The following GREB1 variants were observed in gnomAD, a reference collection of about 807,000 sequenced individuals.
GREB1 encodes the protein protein GREB1.
Under a neutral mutation model 200.7 loss-of-function variants are expected in GREB1, and 106 were observed. The observed-to-expected ratio is 0.53, with a 90% CI of 0.45 to 0.62. The LOEUF is 0.62. Among genes scored for constraint, GREB1 ranks in the 20% least tolerant of loss-of-function variants. The pLI, the probability that GREB1 is intolerant of heterozygous loss-of-function variation, is 0.00. For synonymous variants in GREB1, 1,132 were observed against 1,092.4 expected, an observed-to-expected ratio of 1.04 and a Z score of -0.72; for missense variants, 2,243 against 2,556.8, an observed-to-expected ratio of 0.88 and a Z score of 2.65.
chr2:11,581,930 C>T (rs948766307), intron 7 of GREB1, among the ~76,000 whole-genome samples: 1 of 152,216 alleles, frequency 6.6e-6, no homozygotes, highest in African/African-American at 2.4e-5. Flanking sequence ...CCGAGGCCTC[C>T]CAACCAGCAC....
chr2:11,543,167 G>T (rs76129731), intron 1 of GREB1, among the ~76,000 whole-genome samples: 1,647 of 152,268 alleles, frequency 0.011, 36 homozygotes, highest in African/African-American at 0.038. Context: ...CTGGCAGAAG[G>T]GGGGATAAGA....
At chr2:11,541,892 G>A (rs4669746) in intron 1 of GREB1, among the ~76,000 whole-genome samples, 100,014 of 151,996 alleles carry the variant, frequency 0.66, 33,767 homozygotes, top group South Asian at 0.84. Context: ...CCTTGTATAC[G>A]TTCTGCCTGG....
Position 11,562,543 on chromosome 2 carries a change from C to T in GREB1, c.238C>T (p.Gln80Ter). 1.9e-6 allele frequency: 3 copies of T among 1,601,716 alleles called. No homozygotes were observed. The highest frequency in any genetic ancestry group is 2.3e-5 in the East Asian group (1 of 44,110). The change falls in exon 3 of 33, where the codon CAG (glutamine) becomes TAG (stop). Residue 80 changes from glutamine to a stop codon, truncating the protein, a stop_gained. Transcript: ENST00000381486. LOFTEE classifies it high-confidence loss of function. ...LETNGPPNPF[Q>*]LHPLPEGCCT... is the part of the protein sequence containing the mutation. ...AACAAATGGCCCCCCAAACCCTTTC[C>T]AGCTGCACCCTCTGCCTGAAGGATG...
Position 11,566,818 on chromosome 2 carries a change from G to A in GREB1, c.454+162G>A, listed in dbSNP as rs141507797. The stretch of plus-strand genomic sequence containing the variant: ...TTTTTTGGTAGATGAGTTCTTTGTG[G>A]AATGGAATGCAAATGAGATGCATTT... On this transcript the variant is annotated intron_variant, in intron 4 of 32. Coordinates refer to ENST00000381486, the MANE Select transcript of GREB1 (RefSeq NM_014668.4). Among the ~76,000 whole-genome samples, 4 of 152,286 alleles carry A rather than the reference G, an allele frequency of 2.6e-5. No homozygotes were observed. In the East Asian group the frequency reaches 7.7e-4, roughly 29 times the overall value.
At chr2:11,500,459 AT>A (rs5829310) in intron 1 of GREB1, among the ~76,000 whole-genome samples, 6,755 of 141,310 alleles carry the variant, frequency 0.048, 349 homozygotes, top group African/African-American at 0.13. Context: ...GTGCCTGGCC[AT>A]TTTTTTTTTT....
intron 7 of GREB1, 86 bp from the exon 8 acceptor site, chr2:11,585,075 C>T: frequency 1.6e-6 from 1 of 627,816 alleles, no homozygotes; most frequent in Non-Finnish European, 2.6e-6. Flanking sequence ...CAAAACAAAA[C>T]AGATCATTGT....
At chr2:11,631,319 G>A (rs1200401038) in intron 26 of GREB1, among the ~76,000 whole-genome samples, 1 of 152,206 alleles carries the variant, frequency 6.6e-6, no homozygotes, top group Non-Finnish European at 1.5e-5. Flanking sequence ...GGCAGTGATT[G>A]GGGGGTGTTG....
At chr2:11,598,509 G>C (rs1377246712) in intron 14 of GREB1, among the ~76,000 whole-genome samples, 171 bp from the exon 15 acceptor site, 3 of 152,262 alleles carry the variant, frequency 2.0e-5, no homozygotes, top group African/African-American at 2.4e-5. Flanking sequence ...GTGCAGGACA[G>C]TTATGCAGCT....
rs1483247441 is a variant in GREB1, at chr2:11,512,584, GT to G, written c.-159+30207del. ...ACCAAGGATTGTTGAAGATTACTCT[GT>G]TTTGGTGGAAGGTGCGGTGAGCTTG... On this transcript the variant is annotated intron_variant, in intron 1 of 2. Transcript: ENST00000628795. Among the ~76,000 whole-genome samples the G allele has an allele frequency of 2.6e-5, 4 of 152,352 alleles. No individual in the cohort carries two copies. The East Asian group carries it at 5.8e-4, about 22-fold the overall frequency.
Position 11,637,863 on chromosome 2 carries a change from A to C in GREB1, c.5494A>C (p.Asn1832His), listed in dbSNP as rs370194864. 1.9e-6 allele frequency: 3 copies of C among 1,614,056 alleles called. No individual in the cohort carries two copies. The highest frequency in any genetic ancestry group is 1.7e-5 in the Admixed American group (1 of 60,010). The change falls in exon 31 of 33, where the codon AAC (asparagine) becomes CAC (histidine). Residue 1832 changes from asparagine (N) to histidine (H), a missense_variant. Asn to His is a moderately conservative substitution (Grantham distance 68). This residue lies in a region of GREB1 where 478 missense variants were observed against 616.3 expected (regional missense o/e 0.78). Transcript: ENST00000381486. Reference sequence around the variant, plus strand: ...CCTCTTCTTCCCGCTGTCCCTGAAGAACCATGACCACCCAGTGCTGTCTGT... The same window carrying C: ...CCTCTTCTTCCCGCTGTCCCTGAAGCACCATGACCACCCAGTGCTGTCTGT... ...SHLFFPLSLK[N>H]HDHPVLSVDC...
At chr2:11,503,254 C>T (rs1357006605) in intron 1 of GREB1, among the ~76,000 whole-genome samples, 1 of 152,078 alleles carries the variant, frequency 6.6e-6, no homozygotes, top group Non-Finnish European at 1.5e-5. Context: ...TTGTTTCTGC[C>T]CAGATTTTCA....
intron 4 of GREB1, among the ~76,000 whole-genome samples, chr2:11,568,774 G>A (rs1677958039): frequency 6.6e-6 from 1 of 152,256 alleles, no homozygotes; most frequent in East Asian, 1.9e-4. Context: ...CCAGCTCATC[G>A]AGGAGAGGAA....
At chr2:11,550,640 GT>G (rs1675724717) in intron 1 of GREB1, among the ~76,000 whole-genome samples, 1 of 152,228 alleles carries the variant, frequency 6.6e-6, no homozygotes, top group Non-Finnish European at 1.5e-5. Context: ...ATTTGAATCA[GT>G]TTGCTCCTCA....
At position 11,586,008 on chromosome 2, in the gene GREB1, T is replaced by C; in HGVS notation, c.1159+103T>C. The C allele has an allele frequency of 8.1e-6, 10 of 1,236,852 alleles. No homozygotes were observed. The South Asian group carries it at 1.2e-4, about 15-fold the overall frequency. 76.6% of individuals were successfully genotyped at this position (1,236,852 alleles called of 1,614,324 possible). Reference sequence around the variant, plus strand: ...TCATCCCGGTCTGACTCCAAGGGTATCCTCCTGAGACAAACCTAAAATGCT... The same window carrying C: ...TCATCCCGGTCTGACTCCAAGGGTACCCTCCTGAGACAAACCTAAAATGCT... On this transcript the variant is annotated intron_variant, in intron 9 of 32. Coordinates refer to ENST00000381486, the MANE Select transcript of GREB1 (RefSeq NM_014668.4).
At position 11,642,181 on chromosome 2, in the gene GREB1, T is replaced by A. The variant is rs1685853316; in HGVS notation, c.*1727T>A. ...CCCAGGCTGGAGTGCAATGGTGCAA[T>A]GACCTCGGCTCACTGCAACCTCTGC... On this transcript the variant is annotated 3_prime_UTR_variant, in exon 33 of 33. Coordinates refer to ENST00000381486, the MANE Select transcript of GREB1 (RefSeq NM_014668.4). 6.6e-6 allele frequency: 1 copy of A among 152,020 alleles called. No homozygotes were observed. The highest frequency in any genetic ancestry group is 1.5e-5 in the Non-Finnish European group (1 of 67,986). 9.4% of individuals were successfully genotyped at this position (152,020 alleles called of 1,614,324 possible).
rs1233906088 is a variant in GREB1, at chr2:11,534,072, C to T, written c.-344C>T. The stretch of plus-strand genomic sequence containing the variant: ...TAAATGGTTAAGAGATACATAAATA[C>T]TGCAGTAGAGATGGGATTTTACCTC... On this transcript the variant is annotated 5_prime_UTR_variant, in exon 1 of 33. Coordinates refer to ENST00000381486, the MANE Select transcript of GREB1 (RefSeq NM_014668.4). 1 of 152,134 alleles carries T rather than the reference C, an allele frequency of 6.6e-6. No homozygotes were observed. The highest frequency in any genetic ancestry group is 1.5e-5 in the Non-Finnish European group (1 of 68,042). The allele number at this position is 152,134 out of a possible 1,614,324, so 9.4% of individuals were successfully genotyped here.
At position 11,612,535 on chromosome 2, in the gene GREB1, C is replaced by T. The variant is rs779022837; in HGVS notation, c.3047C>T (p.Thr1016Ile). The change falls in exon 19 of 33, where the codon ACT (threonine) becomes ATT (isoleucine). Residue 1016 changes from threonine to isoleucine, a missense_variant. Around this residue, in one of 3 missense-constraint regions of GREB1, gnomAD observed 1,178 missense variants for 1,387.4 expected, o/e 0.85. Coordinates refer to ENST00000381486, the MANE Select transcript of GREB1 (RefSeq NM_014668.4). ...GAGGATGTGGAGTGGAGACCCCAGACTTACTTGGAGCTGGAGGGTCTGCCT... is the reference window on the plus strand; with the variant it reads ...GAGGATGTGGAGTGGAGACCCCAGATTTACTTGGAGCTGGAGGGTCTGCCT... ...KIEDVEWRPQ[T>I]YLELEGLPCI... 6.2e-7 allele frequency: 1 copy of T among 1,612,920 alleles called. No individual in the cohort carries two copies. Among genetic ancestry groups the T allele is most frequent in the Non-Finnish European group, 8.5e-7 (1 of 1,179,528 alleles).
chr2:11,634,971 C>T (rs527536146), intron 29 of GREB1, among the ~76,000 whole-genome samples: 55 of 152,326 alleles, frequency 3.6e-4, no homozygotes, highest in African/African-American at 8.2e-4. Context: ...GTGTTGGTAA[C>T]GTTTCTCACG....
At chr2:11,509,550 T>C (rs1427755254) in intron 1 of GREB1, among the ~76,000 whole-genome samples, 2 of 152,196 alleles carry the variant, frequency 1.3e-5, no homozygotes, top group African/African-American at 4.8e-5. Flanking sequence ...ATACCAATTA[T>C]CCAGTTAATG....
Sources: gnomAD v4.1 joint callset for allele counts (sites outside exome capture counted in the v4.1 genomes callset) on GRCh38, gnomAD v4.1.1 for gene constraint, gnomAD v4.1.1 regional missense constraint, MANE v1.5 for transcripts, NCBI Gene and HGNC (gene_info 2026-07-23, HGNC 2026-07-21) for gene names.